AMN: variants seen among roughly 807,000 people sequenced by gnomAD.
The protein encoded by AMN is amnion associated transmembrane protein.
In AMN, 40 loss-of-function variants were observed where a neutral mutation model predicts 49.1. That is an observed-to-expected ratio of 0.81 (90% CI 0.63 to 1.06). AMN has a LOEUF of 1.06. AMN is among the 50% of genes least tolerant of loss of function. The pLI, the probability that AMN is intolerant of heterozygous loss-of-function variation, is 0.00. For synonymous variants in AMN, 380 were observed against 313.3 expected, an observed-to-expected ratio of 1.21 and a Z score of -2.25; for missense variants, 701 against 662.8, an observed-to-expected ratio of 1.06 and a Z score of -0.63.
At position 102,928,859 on chromosome 14, in the gene AMN, G is replaced by T; in HGVS notation, c.397G>T (p.Glu133Ter). ...EAPGLFFVDAERVPCRHDDVF... is the reference protein window; with the variant it reads ...EAPGLFFVDA ...ACCTGGCCTCTTCTTCGTGGACGCC[G>T]AGCGCGTGCCCTGCCGCCACGACGA... The change falls in exon 5 of 12, where the codon GAG becomes TAG. Residue 133 changes from glutamate (E) to a stop codon, truncating the protein, a stop_gained. Transcript: ENST00000299155. LOFTEE classifies it high-confidence loss of function. The T allele has an allele frequency of 6.2e-7, 1 of 1,604,734 alleles. No homozygotes were observed.
At chr14:102,928,596 A>G (rs1891244141) in intron 4 of AMN, 83 bp downstream of exon 4, 1 of 1,513,666 alleles carries the variant, frequency 6.6e-7, no homozygotes, top group Non-Finnish European at 8.9e-7. Flanking sequence ...GAGGGGGGCG[A>G]GGACCGGAGG....
chr14:102,924,099 C>A, intron 3 of AMN, 120 bp downstream of exon 3: 1 of 1,420,870 alleles, frequency 7.0e-7, no homozygotes, highest in Non-Finnish European at 9.9e-7. Context: ...AGGACTGGGA[C>A]TTTGGCCTCT....
chr14:102,928,579 G>A, intron 4 of AMN, 66 bp downstream of exon 4: 2 of 1,539,852 alleles, frequency 1.3e-6, no homozygotes, highest in Non-Finnish European at 1.8e-6. Flanking sequence ...TGGAGGGAAG[G>A]CGCGTCGAGG....
At chr14:102,928,729 G>C in intron 4 of AMN, 29 bp from the exon 5 acceptor site, 1 of 1,597,432 alleles carries the variant, frequency 6.3e-7, no homozygotes, top group Non-Finnish European at 8.5e-7. Flanking sequence ...CGCTTGTTCC[G>C]TGGAGCTCAG....
At position 102,930,390 on chromosome 14, in the gene AMN, C is replaced by T. The variant is rs1891316253; in HGVS notation, c.1170-16C>T. 2 of 1,503,846 alleles carry T rather than the reference C, an allele frequency of 1.3e-6. No individual in the cohort carries two copies. The highest frequency in any genetic ancestry group is 2.1e-5 in the Admixed American group (1 of 48,020). 93.2% of individuals were successfully genotyped at this position (1,503,846 alleles called of 1,614,324 possible). On this transcript the variant is annotated splice_polypyrimidine_tract_variant and intron_variant, in intron 10 of 11. Coordinates refer to ENST00000299155, the MANE Select transcript of AMN (RefSeq NM_030943.4). ...TGCTCCGAGGGGCTCACGCTGCGTC[C>T]CCGCTACGCCCTCAGGTGGAGGAGG...
chr14:102,928,897 G>A lies in AMN; in HGVS notation c.435G>A (p.Pro145=). Residue 145 remains proline, a synonymous_variant, in exon 5 of 12, where the codon CCG becomes CCA. Coordinates refer to ENST00000299155, the MANE Select transcript of AMN (RefSeq NM_030943.4). ...GCCGCCACGACGACGTCTTCTTTCC[G>A]CCTAGTGCCTCCTTCCGCGTGGGGC... is the stretch of plus-strand genomic sequence containing the variant. The part of the protein sequence containing the change: ...VPCRHDDVFF[P]PSASFRVGLG... 6.2e-7 allele frequency: 1 copy of A among 1,603,368 alleles called. No homozygotes were observed.
rs766208696 is a variant in AMN at position 102,929,240 on chromosome 14, C to T, written c.633C>T (p.Cys211=). 1.2e-5 allele frequency: 18 copies of T among 1,505,834 alleles called. No individual in the cohort carries two copies. In the East Asian group the frequency reaches 4.0e-4, roughly 33 times the overall value. 93.3% of individuals were successfully genotyped at this position (1,505,834 alleles called of 1,614,324 possible). Residue 211 remains cysteine, a synonymous_variant, in exon 6 of 12, where the codon TGC becomes TGT. Transcript: ENST00000299155. ...AGGACTGCGCGGACCCGTCGGGCTG[C>T]GTCTGCGGCAACGCGGAGGTGAGCG... ...GPEDCADPSG[C]VCGNAEAQPW...
At chr14:102,929,369 C>CG (rs1891275338) in intron 6 of AMN, 59 bp from the exon 7 acceptor site, 3 of 1,515,720 alleles carry the variant, frequency 2.0e-6, no homozygotes, top group Non-Finnish European at 2.6e-6. Flanking sequence ...TCGGAGGCAT[C>CG]GCCCTTCTCG....
chr14:102,925,609 C>T (rs1309135241), intron 3 of AMN, among the ~76,000 whole-genome samples: 1 of 152,140 alleles, frequency 6.6e-6, no homozygotes, highest in Non-Finnish European at 1.5e-5. Flanking sequence ...GCTGGGGGTT[C>T]CAGGGCATGG....
chr14:102,926,589 T>G (rs906859403), intron 3 of AMN, among the ~76,000 whole-genome samples: 10 of 151,386 alleles, frequency 6.6e-5, no homozygotes, highest in Non-Finnish European at 5.9e-5. Context: ...CCTGGATTTT[T>G]TTTTTTTTTT....
chr14:102,926,525 A>G lies in AMN; in HGVS notation c.208-1901A>G, dbSNP rs147512620. Among the ~76,000 whole-genome samples the G allele has an allele frequency of 4.5e-3, 686 of 152,126 alleles. 8 individuals carry two copies. Among genetic ancestry groups the G allele is most frequent in the African/African-American group, 0.016 (657 of 41,468 alleles). ...TTTGTGGATCTCATTGTTGCAGATA[A>G]ATTGTAGAATAGGTTTGCCAGGTAA... On this transcript the variant is annotated intron_variant, in intron 3 of 11. Transcript: ENST00000299155.
intron 1 of AMN, 83 bp downstream of exon 1, chr14:102,922,814 G>T (rs1272206153): frequency 1.3e-6 from 2 of 1,509,256 alleles, no homozygotes; most frequent in Non-Finnish European, 1.8e-6. Flanking sequence ...GGCCTGGAGG[G>T]TGAAGATCTT....
At position 102,929,748 on chromosome 14, in the gene AMN, C is replaced by T. The variant is rs369361298; in HGVS notation, c.843+11C>T. 1.1e-3 allele frequency: 1,681 copies of T among 1,549,574 alleles called. 16 individuals are homozygous for T. Among genetic ancestry groups the T allele is most frequent in the South Asian group, 7.7e-4 (65 of 84,014 alleles). ...ACCTTCCTGGGTCTGGTAATGGGGC[C>T]GCGCGGGCAGCTGAGGGGAGTCCCG... On this transcript the variant is annotated intron_variant, in intron 8 of 11. Coordinates refer to ENST00000299155, the MANE Select transcript of AMN (RefSeq NM_030943.4).
Position 102,923,709 on chromosome 14 carries a change from A to C in AMN, c.44-2A>C, listed in dbSNP as rs761051062. ...CCGGGCACTCAGTCGCCTCCTCCCCAGCACTGACCCAGGCGGTCTCCAAAC... is the reference window on the plus strand; with the variant it reads ...CCGGGCACTCAGTCGCCTCCTCCCCCGCACTGACCCAGGCGGTCTCCAAAC... On this transcript the variant is annotated splice_acceptor_variant, in intron 1 of 11. Transcript: ENST00000299155. LOFTEE classifies it high-confidence loss of function. The C allele has an allele frequency of 6.2e-7, 1 of 1,612,046 alleles. No individual in the cohort carries two copies. Among genetic ancestry groups the C allele is most frequent in the Admixed American group, 1.7e-5 (1 of 60,024 alleles).
rs759269975 is a variant in AMN, at chr14:102,930,507, AG to A, written c.1257+20del. The A allele has an allele frequency of 2.4e-5, 37 of 1,536,012 alleles. No homozygotes were observed. The highest frequency in any genetic ancestry group is 9.9e-5 in the Admixed American group (5 of 50,504). On this transcript the variant is annotated intron_variant, in intron 11 of 11. Transcript: ENST00000299155. ...TCCGAGGAGCTGGTGAGGGGGCTGG[AG>A]GGGGGACCGGGGCCTCCTCGGGGCC...
At position 102,923,980 on chromosome 14, in the gene AMN, G is replaced by C; in HGVS notation, c.207+1G>C. On this transcript the variant is annotated splice_donor_variant, in intron 3 of 11. Coordinates refer to ENST00000299155, the MANE Select transcript of AMN (RefSeq NM_030943.4). LOFTEE classifies it high-confidence loss of function. ...AGAAGGTCACGCCGTCTCAGACATG[G>C]TAAGGCCGGGCTGCTACTGCCACTG... The C allele has an allele frequency of 6.2e-7, 1 of 1,613,290 alleles. No homozygotes were observed. The highest frequency in any genetic ancestry group is 8.5e-7 in the Non-Finnish European group (1 of 1,180,024).
In AMN at chr14:102,923,977, A is replaced by G. The variant is rs766219642; in HGVS notation, c.205A>G (p.Met69Val). Reference protein sequence around the residue: ...LVQEGHAVSDMLLPLDGELVL... With the variant: ...LVQEGHAVSDVLLPLDGELVL... ...GCAAGAAGGTCACGCCGTCTCAGAC[A>G]TGGTAAGGCCGGGCTGCTACTGCCA... is the stretch of plus-strand genomic sequence containing the variant. Residue 69 changes from methionine to valine, a missense_variant and splice_region_variant, in exon 3 of 12, where the codon ATG (methionine) becomes GTG (valine). Transcript: ENST00000299155. The G allele has an allele frequency of 6.2e-7, 1 of 1,613,238 alleles. No homozygotes were observed. Among genetic ancestry groups the G allele is most frequent in the Non-Finnish European group, 8.5e-7 (1 of 1,180,018 alleles).
chr14:102,923,264 TCATAC>T, intron 1 of AMN: 1 of 278,124 alleles, frequency 3.6e-6, no homozygotes, highest in Non-Finnish European at 7.0e-6. Context: ...TTCTTACTTC[TCATAC>T]CGGGTTGCGC....
At chr14:102,928,578 G>A in intron 4 of AMN, 65 bp downstream of exon 4, 10 of 1,540,294 alleles carry the variant, frequency 6.5e-6, no homozygotes, top group Non-Finnish European at 8.7e-6. Context: ...CTGGAGGGAA[G>A]GCGCGTCGAG....
Sources: allele counts gnomAD v4.1 joint callset (sites outside exome capture counted in the v4.1 genomes callset), GRCh38; gene constraint gnomAD v4.1.1; transcripts MANE v1.5; gene names NCBI Gene and HGNC (gene_info 2026-07-23, HGNC 2026-07-21).